Variants in TMPRSS11B observed in about 807,000 individuals in gnomAD.
TMPRSS11B encodes transmembrane serine protease 11B.
TMPRSS11B carries 53 observed loss-of-function variants against 44.7 expected under a neutral mutation model. The ratio of observed to expected loss-of-function variants is 1.19; its 90% CI spans 0.95 to 1.49. TMPRSS11B has a LOEUF of 1.49. TMPRSS11B is among the 40% of genes most tolerant of loss of function. The pLI, the probability that TMPRSS11B is intolerant of heterozygous loss-of-function variation, is 0.00. For missense variants in TMPRSS11B, 526 were observed against 494.8 expected (o/e 1.06, Z -0.60); for synonymous variants, 140 against 159.2 (o/e 0.88, Z 0.91).
In TMPRSS11B at chr4:68,231,195, A is replaced by G; in HGVS notation, c.686+8T>C. On this transcript the variant is annotated splice_region_variant and intron_variant, in intron 7 of 9. Coordinates refer to ENST00000332644, the MANE Select transcript of TMPRSS11B (RefSeq NM_182502.3). The stretch of plus-strand genomic sequence containing the variant: ...GCATCCTTCATTTAGTCAAATTTTC[A>G]AACTTACTTAGCAAAGCAGTGAGCT... 10 of 1,594,676 alleles carry G rather than the reference A, an allele frequency of 6.3e-6. No individual in the cohort carries two copies. The highest frequency in any genetic ancestry group is 6.8e-6 in the Non-Finnish European group (8 of 1,171,108).
chr4:68,240,250 C>A (rs961124619), intron 2 of TMPRSS11B, among the ~76,000 whole-genome samples: 2 of 152,236 alleles, frequency 1.3e-5, no homozygotes, highest in East Asian at 3.9e-4. Context: ...ATATTATATT[C>A]GTTCCTAAGC....
chr4:68,243,278 G>A (rs1486985287), intron 1 of TMPRSS11B, among the ~76,000 whole-genome samples: 1 of 152,154 alleles, frequency 6.6e-6, no homozygotes, highest in Admixed American at 6.6e-5. Context: ...TTTCCTATGA[G>A]TATGTGAACC....
intron 7 of TMPRSS11B, 139 bp downstream of exon 7, chr4:68,231,064 C>T (rs1257389469): frequency 3.0e-5 from 19 of 634,584 alleles, no homozygotes; most frequent in Non-Finnish European, 4.5e-5. Context: ...TTTAATTACG[C>T]AGGTGATTGT....
At chr4:68,228,203 CT>C in intron 9 of TMPRSS11B, 131 bp from the exon 10 acceptor site, 1 of 824,592 alleles carries the variant, frequency 1.2e-6, no homozygotes, top group Non-Finnish European at 1.8e-6. Context: ...CTCTGAAACC[CT>C]TAGGACTTTT....
chr4:68,238,451 C>T (rs940220052), intron 2 of TMPRSS11B, among the ~76,000 whole-genome samples: 1 of 151,634 alleles, frequency 6.6e-6, no homozygotes, highest in Non-Finnish European at 1.5e-5. Flanking sequence ...CAGCCTGGTG[C>T]GGTGGCTCCC....
At chr4:68,242,249 TATATTATAATATATATA>T (rs1719856270) in intron 1 of TMPRSS11B, among the ~76,000 whole-genome samples, 1 of 66,228 alleles carries the variant, frequency 1.5e-5, no homozygotes, top group African/African-American at 7.2e-5. Context: ...TTATATTATA[TATATTATAATATATATA>T]ATATAATATT....
intron 2 of TMPRSS11B, among the ~76,000 whole-genome samples, chr4:68,237,038 A>G (rs1719691182): frequency 6.6e-6 from 1 of 151,934 alleles, no homozygotes; most frequent in South Asian, 2.1e-4. Flanking sequence ...TGCTGTACCC[A>G]TCAACCTGCC....
At position 68,229,378 on chromosome 4, in the gene TMPRSS11B, C is replaced by A. The variant is rs946836161; in HGVS notation, c.825G>T (p.Gln275His). The A allele has an allele frequency of 1.2e-6, 2 of 1,614,072 alleles. No individual in the cohort carries two copies. Among genetic ancestry groups the A allele is most frequent in the Non-Finnish European group, 1.7e-6 (2 of 1,179,992 alleles). ...PGLHDDIALV[Q>H]LAEEVSFTEY... Reference sequence around the variant, plus strand: ...CTGTAAAAGAAACTTCTTCAGCAAGCTGCACAAGGGCAATATCATCATGAA... The same window carrying A: ...CTGTAAAAGAAACTTCTTCAGCAAGATGCACAAGGGCAATATCATCATGAA... Residue 275 changes from glutamine (Q) to histidine (H), a missense_variant, in exon 8 of 10, where the codon CAG (glutamine) becomes CAT (histidine). Coordinates refer to ENST00000332644, the MANE Select transcript of TMPRSS11B (RefSeq NM_182502.3).
At position 68,227,825 on chromosome 4, in the gene TMPRSS11B, CAACA is replaced by C; in HGVS notation, c.*82_*85del. The stretch of plus-strand genomic sequence containing the variant: ...ATATATAATAAAATGATTAGTTTAC[CAACA>C]ATCAAAATAAAAAGATCCCAAAGCC... On this transcript the variant is annotated 3_prime_UTR_variant, in exon 10 of 10. Transcript: ENST00000332644. 2.0e-6 allele frequency: 2 copies of C among 997,718 alleles called. No individual in the cohort carries two copies. The highest frequency in any genetic ancestry group is 2.7e-6 in the Non-Finnish European group (2 of 741,846). 61.8% of individuals were successfully genotyped at this position (997,718 alleles called of 1,614,324 possible). A position where few individuals can be genotyped will look rare whatever the true frequency, so the allele number is the denominator to read the frequency against.
intron 2 of TMPRSS11B, among the ~76,000 whole-genome samples, chr4:68,239,883 G>A (rs1719777527): frequency 6.6e-6 from 1 of 152,178 alleles, no homozygotes; most frequent in Non-Finnish European, 1.5e-5. Flanking sequence ...CTGAGAAGAA[G>A]CTAGGGTTTG....
At position 68,234,547 on chromosome 4, in the gene TMPRSS11B, T is replaced by C. The variant is rs778432594; in HGVS notation, c.385A>G (p.Thr129Ala). The change falls in exon 5 of 10, where the codon ACT becomes GCT. Residue 129 changes from threonine (T) to alanine (A), a missense_variant. By Grantham distance (58) the Thr-to-Ala change is moderately conservative. Coordinates refer to ENST00000332644, the MANE Select transcript of TMPRSS11B (RefSeq NM_182502.3). ...TGATGTAATTTAGCCTTGATTTTAG[T>C]CCTCATGCTAACTCCTTCTGCTGGA... The part of the protein sequence containing the change: ...FPPAEGVSMR[T>A]KIKAKLHQML... The C allele has an allele frequency of 1.3e-5, 21 of 1,614,000 alleles. No homozygotes were observed. Among genetic ancestry groups the C allele is most frequent in the Non-Finnish European group, 1.7e-5 (20 of 1,179,952 alleles).
In TMPRSS11B at chr4:68,229,463, GGTTT is replaced by G. The variant is rs1347001710; in HGVS notation, c.736_739del (p.Lys246HisfsTer3). 1 of 1,613,246 alleles carries G rather than the reference GGTTT, an allele frequency of 6.2e-7. No homozygotes were observed. Among genetic ancestry groups the G allele is most frequent in the African/African-American group, 1.3e-5 (1 of 74,854 alleles). On this transcript the variant is annotated frameshift_variant, in exon 8 of 10. Coordinates refer to ENST00000332644, the MANE Select transcript of TMPRSS11B (RefSeq NM_182502.3). LOFTEE classifies it high-confidence loss of function. ...GTTTTGGACTTTCCGTGTCATATAT[GGTTT>G]ATTTACTACAATTCCAAAGTTGACA...
At chr4:68,245,041 A>C (rs1719961410) in intron 1 of TMPRSS11B, among the ~76,000 whole-genome samples, 1 of 152,148 alleles carries the variant, frequency 6.6e-6, no homozygotes, top group African/African-American at 2.4e-5. Flanking sequence ...TGAACAAAAG[A>C]GAGTCTACAG....
At position 68,231,264 on chromosome 4, in the gene TMPRSS11B, AG is replaced by A; in HGVS notation, c.624del (p.Tyr209ThrfsTer6). The A allele has an allele frequency of 6.2e-7, 1 of 1,613,782 alleles. No homozygotes were observed. Among genetic ancestry groups the A allele is most frequent in the Non-Finnish European group, 8.5e-7 (1 of 1,179,978 alleles). On this transcript the variant is annotated frameshift_variant, in exon 7 of 10. Coordinates refer to ENST00000332644, the MANE Select transcript of TMPRSS11B (RefSeq NM_182502.3). LOFTEE classifies it high-confidence loss of function. ...WQASMQWKGRHYCGASLISSR... is the reference protein window; with the variant it reads ...WQASMQWKGRXYCGASLISSR... ...CTGCTGATCAGAGAGGCTCCACAGT[AG>A]TGACGGCCTTTCCATTGCATGCTGG...
Position 68,234,578 on chromosome 4 carries a change from C to T in TMPRSS11B, c.354G>A (p.Lys118=). 6.2e-7 allele frequency: 1 copy of T among 1,613,914 alleles called. No homozygotes were observed. Among genetic ancestry groups the T allele is most frequent in the South Asian group, 1.1e-5 (1 of 91,074 alleles). Residue 118 remains lysine (K), a synonymous_variant, in exon 5 of 10, where the codon AAG becomes AAA. Coordinates refer to ENST00000332644, the MANE Select transcript of TMPRSS11B (RefSeq NM_182502.3). ...TGCTAACTCCTTCTGCTGGAGGAAA[C>T]TTGAATTTCAGCTGTAACTGCACAT... ...GSNVQLQLKF[K]FPPAEGVSMR...
intron 2 of TMPRSS11B, among the ~76,000 whole-genome samples, chr4:68,238,512 C>T (rs1332131091): frequency 6.6e-6 from 1 of 150,914 alleles, no homozygotes; most frequent in Non-Finnish European, 1.5e-5. Flanking sequence ...CACTTGAGGT[C>T]AGGGGTTCAA....
rs1421745771 is a variant in TMPRSS11B at position 68,228,538 on chromosome 4, T to C, written c.1089+204A>G. On this transcript the variant is annotated intron_variant, in intron 9 of 9. Transcript: ENST00000332644. ...TTGTATGAATTCCCAGATTGAAAAC[T>C]TCGTGAGGGCAGGATTGTGTTCACC... Among the ~76,000 whole-genome samples the C allele has an allele frequency of 2.0e-5, 3 of 152,212 alleles. No individual in the cohort carries two copies. In the East Asian group the frequency reaches 5.8e-4, roughly 29 times the overall value.
rs1212829858 is a variant in TMPRSS11B at position 68,229,298 on chromosome 4, T to C, written c.905A>G (p.Asp302Gly). 1 of 1,613,200 alleles carries C rather than the reference T, an allele frequency of 6.2e-7. No individual in the cohort carries two copies. The highest frequency in any genetic ancestry group is 1.7e-5 in the Admixed American group (1 of 59,920). ...PEAKMKLSENDNVVVTGWGTL... is the reference protein window; with the variant it reads ...PEAKMKLSENGNVVVTGWGTL... ...TCCCCAACCTGTAACTACAACATTG[T>C]CATTTTCTGAGAGCTTCATTTTGGC... The change falls in exon 8 of 10, where the codon GAC becomes GGC. Residue 302 changes from aspartate (D) to glycine (G), a missense_variant. By Grantham distance (94) the Asp-to-Gly change is moderately conservative (BLOSUM62 -1). Transcript: ENST00000332644.
At chr4:68,242,350 TATA>T (rs1237724391) in intron 1 of TMPRSS11B, among the ~76,000 whole-genome samples, 1,367 of 84,832 alleles carry the variant, frequency 0.016, 105 homozygotes, top group African/African-American at 0.069. Flanking sequence ...ATATATTATA[TATA>T]ATATTATATT....
Sources: gnomAD v4.1 joint callset for allele counts (sites outside exome capture counted in the v4.1 genomes callset) on GRCh38, gnomAD v4.1.1 for gene constraint, MANE v1.5 for transcripts, NCBI Gene and HGNC (gene_info 2026-07-23, HGNC 2026-07-21) for gene names.